Variants in CSMD1 observed in about 807,000 individuals in gnomAD.
CSMD1 encodes CUB and Sushi multiple domains 1, also known as CUB and sushi domain-containing protein 1.
CSMD1 carries 213 observed loss-of-function variants against 417.5 expected under a neutral mutation model. The observed-to-expected ratio is 0.51, with a 90% CI of 0.46 to 0.57. The LOEUF (loss-of-function observed/expected upper bound fraction) is 0.57. Ranked by LOEUF, CSMD1 falls within the 20% of genes least tolerant of loss-of-function variation. The pLI, the probability that CSMD1 is intolerant of heterozygous loss-of-function variation, is 0.00. For synonymous variants in CSMD1, 2,862 were observed against 1,736.8 expected (o/e 1.65, Z -16.11); for missense variants, 6,923 against 4,529.7 (o/e 1.53, Z -15.17).
At chr8:2,985,811 C>A (rs1253854805) in intron 54 of CSMD1, among the ~76,000 whole-genome samples, 1 of 151,884 alleles carries the variant, frequency 6.6e-6, no homozygotes, top group African/African-American at 2.4e-5. Flanking sequence ...CTGGTACTTT[C>A]AATTTATTCT....
At chr8:4,662,123 A>G (rs1804645025) in intron 1 of CSMD1, among the ~76,000 whole-genome samples, 1 of 152,206 alleles carries the variant, frequency 6.6e-6, no homozygotes, top group Non-Finnish European at 1.5e-5. Context: ...TTCTTTTCTA[A>G]TAGATTGCAG....
chr8:3,856,385 T>G (rs1012659853), intron 5 of CSMD1, among the ~76,000 whole-genome samples: 1 of 152,170 alleles, frequency 6.6e-6, no homozygotes, highest in Admixed American at 6.5e-5. Context: ...TAAACCTCTT[T>G]TCTTTATAAA....
chr8:3,673,123 A>G (rs1418194672), intron 7 of CSMD1, among the ~76,000 whole-genome samples: 1 of 152,242 alleles, frequency 6.6e-6, no homozygotes, highest in Non-Finnish European at 1.5e-5. Context: ...ATCAATTAAT[A>G]CAGAGTAGGA....
intron 7 of CSMD1, among the ~76,000 whole-genome samples, chr8:3,668,729 G>A (rs1798832561): frequency 6.6e-6 from 1 of 152,178 alleles, no homozygotes; most frequent in African/African-American, 2.4e-5. Flanking sequence ...TGGGAGCTCA[G>A]GAGGGGCCAA....
At chr8:4,638,499 C>T (rs968619859) in intron 1 of CSMD1, among the ~76,000 whole-genome samples, 1 of 152,116 alleles carries the variant, frequency 6.6e-6, no homozygotes, top group African/African-American at 2.4e-5. Context: ...CTCAGCAAAA[C>T]GAGGACTGTA....
intron 7 of CSMD1, among the ~76,000 whole-genome samples, chr8:3,650,312 T>A (rs2981362): frequency 0.44 from 66,961 of 151,396 alleles, 14,944 homozygotes; most frequent in Middle Eastern, 0.5. Flanking sequence ...AAAAAGAAAA[T>A]GAATGATTGA....
At chr8:3,648,489 G>C (rs576066449) in intron 7 of CSMD1, among the ~76,000 whole-genome samples, 8 of 152,306 alleles carry the variant, frequency 5.3e-5, no homozygotes, top group African/African-American at 1.4e-4. Flanking sequence ...ACACAGTGGA[G>C]TGACTGCTGA....
chr8:2,966,475 TA>T (rs1169725055), intron 58 of CSMD1, 94 bp downstream of exon 58: 8 of 1,104,882 alleles, frequency 7.2e-6, no homozygotes, highest in African/African-American at 3.2e-5. Context: ...GAATTAAAAA[TA>T]AAAAAACAGT....
chr8:4,181,772 T>C (rs1453713525), intron 3 of CSMD1, among the ~76,000 whole-genome samples: 1 of 152,210 alleles, frequency 6.6e-6, no homozygotes, highest in Non-Finnish European at 1.5e-5. Context: ...ATTGAAATAT[T>C]ACGTATTAAC....
At chr8:2,989,897 G>C (rs530254750) in intron 54 of CSMD1, among the ~76,000 whole-genome samples, 116 of 152,300 alleles carry the variant, frequency 7.6e-4, no homozygotes, top group Non-Finnish European at 1.5e-3. Flanking sequence ...CGTCTGCATA[G>C]TTATCTACTT....
At position 4,132,441 on chromosome 8, in the gene CSMD1, A is replaced by G. The variant is rs1803167961; in HGVS notation, c.416-100342T>C. Among the ~76,000 whole-genome samples, 4 of 152,172 alleles carry G rather than the reference A, an allele frequency of 2.6e-5. No homozygotes were observed. In the South Asian group the frequency reaches 6.2e-4, roughly 24 times the overall value. The stretch of plus-strand genomic sequence containing the variant: ...ACCCATAGAAACTATTTTTATTTAA[A>G]GGAACAAAATTCCATTTAACTTTTA... On this transcript the variant is annotated intron_variant, in intron 3 of 69. Coordinates refer to ENST00000635120, the MANE Select transcript of CSMD1 (RefSeq NM_033225.6).
chr8:4,648,756 C>T (rs76070001), intron 1 of CSMD1, among the ~76,000 whole-genome samples: 4,000 of 152,252 alleles, frequency 0.026, 65 homozygotes, highest in South Asian at 0.049. Context: ...GGGATGAGGG[C>T]TACTCCATTA....
chr8:4,353,673 C>T lies in CSMD1; in HGVS notation c.415+66280G>A, dbSNP rs976316780. ...CTTCTCAATCTGCCTTTACTCATTTCTCTCAGAATTCACAATCAGGCATAA... is the reference window on the plus strand; with the variant it reads ...CTTCTCAATCTGCCTTTACTCATTTTTCTCAGAATTCACAATCAGGCATAA... On this transcript the variant is annotated intron_variant, in intron 3 of 69. Transcript: ENST00000635120. Among the ~76,000 whole-genome samples, 31 of 152,246 alleles carry T rather than the reference C, an allele frequency of 2.0e-4. 1 individual carries two copies. Among genetic ancestry groups the T allele is most frequent in the Admixed American group, 6.5e-4 (10 of 15,286 alleles).
At chr8:3,970,533 G>T (rs1813007197) in intron 5 of CSMD1, among the ~76,000 whole-genome samples, 1 of 152,116 alleles carries the variant, frequency 6.6e-6, no homozygotes, top group South Asian at 2.1e-4. Flanking sequence ...GACGATTAAG[G>T]ACCCTGAAGC....
rs187844956 is a variant in CSMD1, at chr8:3,858,396, C to G, written c.819-104354G>C. Among the ~76,000 whole-genome samples the G allele has an allele frequency of 9.6e-4, 146 of 152,132 alleles. 1 individual carries two copies. Among genetic ancestry groups the G allele is most frequent in the Non-Finnish European group, 1.9e-3 (126 of 67,978 alleles). ...TTATAACAATGATTTAAAATGAATT[C>G]TATGCTGTTTCTTACCTTTTAAATC... On this transcript the variant is annotated intron_variant, in intron 5 of 69. Transcript: ENST00000635120.
chr8:4,279,111 T>C (rs1404513233), intron 3 of CSMD1, among the ~76,000 whole-genome samples: 1 of 152,134 alleles, frequency 6.6e-6, no homozygotes, highest in African/African-American at 2.4e-5. Flanking sequence ...ACACCAACCG[T>C]ATTAGCAAAC....
At chr8:3,582,342 A>G (rs947240759) in intron 9 of CSMD1, among the ~76,000 whole-genome samples, 23 of 152,184 alleles carry the variant, frequency 1.5e-4, no homozygotes, top group African/African-American at 4.3e-4. Flanking sequence ...CATTATCGGA[A>G]GCAAATTGAG....
intron 52 of CSMD1, among the ~76,000 whole-genome samples, chr8:3,017,336 A>C (rs548066338): frequency 6.6e-6 from 1 of 152,182 alleles, no homozygotes; most frequent in Non-Finnish European, 1.5e-5. Context: ...GAATGCATGG[A>C]AACTCCTAGA....
intron 1 of CSMD1, among the ~76,000 whole-genome samples, chr8:4,967,178 T>C (rs2117362969): frequency 6.6e-6 from 1 of 152,266 alleles, no homozygotes; most frequent in South Asian, 2.1e-4. Context: ...TTAAACACTA[T>C]GAGCTGTTAC....
Sources: gnomAD v4.1 joint callset for allele counts (sites outside exome capture counted in the v4.1 genomes callset) on GRCh38, gnomAD v4.1.1 for gene constraint, MANE v1.5 for transcripts, NCBI Gene and HGNC (gene_info 2026-07-23, HGNC 2026-07-21) for gene names.